Variants in PDE10A observed in about 807,000 individuals in gnomAD.
The protein encoded by PDE10A is phosphodiesterase 10A.
PDE10A carries 39 observed loss-of-function variants against 97.7 expected under a neutral mutation model. That is an observed-to-expected ratio of 0.40 (90% confidence interval 0.31 to 0.52). PDE10A has a LOEUF of 0.52. PDE10A is among the 20% of genes least tolerant of loss of function. The pLI, the probability that PDE10A is intolerant of heterozygous loss-of-function variation, is 0.56. For synonymous variants in PDE10A, 371 were observed against 376.8 expected, an observed-to-expected ratio of 0.98 and a Z score of 0.18; for missense variants, 731 against 1,047.8, an observed-to-expected ratio of 0.70 and a Z score of 4.17.
chr6:165,560,779 T>C (rs1032349927), intron 1 of PDE10A, among the ~76,000 whole-genome samples: 6 of 152,176 alleles, frequency 3.9e-5, no homozygotes, highest in Non-Finnish European at 5.9e-5. Flanking sequence ...TATGCTTTTG[T>C]AAATCTCATG....
At chr6:165,366,111 C>T (rs1783754736) in intron 18 of PDE10A, among the ~76,000 whole-genome samples, 1 of 152,114 alleles carries the variant, frequency 6.6e-6, no homozygotes, top group South Asian at 2.1e-4. Context: ...AACATGGATA[C>T]AGATAAACCT....
intron 1 of PDE10A, among the ~76,000 whole-genome samples, chr6:165,764,565 G>A (rs1382331260): frequency 6.6e-6 from 1 of 151,470 alleles, no homozygotes; most frequent in Non-Finnish European, 1.5e-5. Context: ...CTTCTTTCTG[G>A]TGGGTTTGTG....
chr6:165,690,593 A>G (rs1199604254), intron 1 of PDE10A, among the ~76,000 whole-genome samples: 1 of 152,164 alleles, frequency 6.6e-6, no homozygotes, highest in Non-Finnish European at 1.5e-5. Flanking sequence ...ATGGGTTGGT[A>G]GGATGGTGAT....
chr6:165,985,209 A>G (rs142249473), intron 1 of PDE10A, among the ~76,000 whole-genome samples: 253 of 152,336 alleles, frequency 1.7e-3, no homozygotes, highest in African/African-American at 5.6e-3. Flanking sequence ...CTTAGCCAAC[A>G]ACAAAACATC....
intron 1 of PDE10A, among the ~76,000 whole-genome samples, chr6:165,544,498 G>T (rs2128324325): frequency 6.6e-6 from 1 of 151,464 alleles, no homozygotes. Context: ...ATCCTTCAGT[G>T]ACGGGAATTA....
At chr6:165,521,755 A>T in intron 2 of PDE10A, among the ~76,000 whole-genome samples, 1 of 152,174 alleles carries the variant, frequency 6.6e-6, no homozygotes, top group East Asian at 1.9e-4. Flanking sequence ...AAGTTTAAGG[A>T]AAGACGCCAT....
At chr6:165,969,002 C>G (rs1045614138) in intron 1 of PDE10A, among the ~76,000 whole-genome samples, 7 of 152,210 alleles carry the variant, frequency 4.6e-5, no homozygotes, top group Admixed American at 1.3e-4. Flanking sequence ...AAAGCCAGCA[C>G]TATGATGAGT....
chr6:165,943,737 A>G (rs1259238094), intron 1 of PDE10A, among the ~76,000 whole-genome samples: 2 of 152,218 alleles, frequency 1.3e-5, no homozygotes, highest in East Asian at 3.8e-4. Context: ...TTCAGTGTTT[A>G]AATTCAAATG....
At chr6:165,834,829 C>T (rs57044063) in intron 1 of PDE10A, among the ~76,000 whole-genome samples, 9,127 of 152,252 alleles carry the variant, frequency 0.06, 388 homozygotes, top group African/African-American at 0.12. Context: ...AAGGCAGCCA[C>T]GTGGAGCCAT....
intron 1 of PDE10A, among the ~76,000 whole-genome samples, chr6:165,740,840 TAG>T (rs1200724722): frequency 6.6e-6 from 1 of 151,982 alleles, no homozygotes; most frequent in African/African-American, 2.4e-5. Flanking sequence ...CTCATGGAAG[TAG>T]AGAGTAGAAT....
At chr6:165,486,659 C>T (rs928428617) in intron 2 of PDE10A, among the ~76,000 whole-genome samples, 21 of 152,202 alleles carry the variant, frequency 1.4e-4, no homozygotes, top group African/African-American at 5.1e-4. Flanking sequence ...AAGTGAGATG[C>T]TTTCTAAAGG....
At chr6:165,493,000 A>C (rs1780315963) in intron 2 of PDE10A, among the ~76,000 whole-genome samples, 1 of 152,200 alleles carries the variant, frequency 6.6e-6, no homozygotes, top group Non-Finnish European at 1.5e-5. Flanking sequence ...TCAGGATACA[A>C]AATTAATGTA....
At chr6:165,354,400 G>A (rs1184369051) in intron 18 of PDE10A, among the ~76,000 whole-genome samples, 2 of 152,174 alleles carry the variant, frequency 1.3e-5, no homozygotes, top group Non-Finnish European at 2.9e-5. Context: ...CATCAGCTAA[G>A]AGCATACTTA....
chr6:165,568,729 G>A (rs546891500), intron 1 of PDE10A, among the ~76,000 whole-genome samples: 1 of 152,216 alleles, frequency 6.6e-6, no homozygotes, highest in Admixed American at 6.5e-5. Context: ...TAAGTTAAAG[G>A]GTGCAAGTTC....
intron 1 of PDE10A, among the ~76,000 whole-genome samples, chr6:165,641,258 G>T (rs532014743): frequency 2.6e-5 from 4 of 151,976 alleles, no homozygotes; most frequent in Non-Finnish European, 5.9e-5. Flanking sequence ...TCTTTAGAAA[G>T]ACAAATAAAA....
intron 1 of PDE10A, among the ~76,000 whole-genome samples, chr6:165,923,106 G>C (rs1344712742): frequency 6.6e-6 from 1 of 152,234 alleles, no homozygotes; most frequent in African/African-American, 2.4e-5. Flanking sequence ...CTTTGCTAAA[G>C]CTTGGTGAGA....
At chr6:165,968,215 A>G (rs1262989147) in intron 1 of PDE10A, among the ~76,000 whole-genome samples, 4 of 152,254 alleles carry the variant, frequency 2.6e-5, no homozygotes, top group African/African-American at 7.2e-5. Context: ...AAGAGGCATG[A>G]TATTAGCGAA....
At chr6:165,791,735 C>T (rs888860912) in intron 1 of PDE10A, among the ~76,000 whole-genome samples, 8 of 152,200 alleles carry the variant, frequency 5.3e-5, no homozygotes, top group East Asian at 1.9e-4. Flanking sequence ...CTAGAGTCTC[C>T]GGCCAGGTCA....
At chr6:165,827,391 C>T (rs996110722) in intron 1 of PDE10A, among the ~76,000 whole-genome samples, 4 of 152,224 alleles carry the variant, frequency 2.6e-5, no homozygotes, top group Non-Finnish European at 5.9e-5. Context: ...CCACCCCGAA[C>T]TCTCCCAGAA....
Sources: gnomAD v4.1 joint callset for allele counts (sites outside exome capture counted in the v4.1 genomes callset) on GRCh38, gnomAD v4.1.1 for gene constraint, MANE v1.5 for transcripts, NCBI Gene and HGNC (gene_info 2026-07-23, HGNC 2026-07-21) for gene names.